SNX29: variants seen among roughly 807,000 people sequenced by gnomAD.
The protein encoded by SNX29 is sorting nexin 29.
In SNX29, 78 loss-of-function variants were observed where a neutral mutation model predicts 102.1. The observed-to-expected ratio is 0.76, with a 90% CI of 0.64 to 0.92. The LOEUF (loss-of-function observed/expected upper bound fraction) is 0.92, where lower values mean the gene tolerates loss of function less well. SNX29 is among the 40% of genes least tolerant of loss of function. SNX29 has a pLI of 0.00. For synonymous variants in SNX29, 580 were observed against 414.5 expected (o/e 1.40, Z -4.85); for missense variants, 1,280 against 1,061.7 (o/e 1.21, Z -2.86).
intron 15 of SNX29, among the ~76,000 whole-genome samples, chr16:12,325,625 T>C (rs887154096): frequency 1.2e-4 from 18 of 152,302 alleles, no homozygotes; most frequent in Admixed American, 3.3e-4. Flanking sequence ...TTGCTGGTTC[T>C]TCTTATTTAT....
chr16:12,136,514 A>G (rs997536575), intron 13 of SNX29, among the ~76,000 whole-genome samples: 1 of 152,170 alleles, frequency 6.6e-6, no homozygotes, highest in Admixed American at 6.5e-5. Flanking sequence ...AAATCCAAGG[A>G]CAGGTCACTT....
intron 5 of SNX29, among the ~76,000 whole-genome samples, chr16:12,043,839 C>T (rs529640698): frequency 2.4e-4 from 36 of 152,206 alleles, no homozygotes; most frequent in African/African-American, 7.9e-4. Context: ...CTGCAACCTC[C>T]GTCTCCTAGT....
At chr16:12,264,112 C>T (rs369195570) in intron 14 of SNX29, among the ~76,000 whole-genome samples, 7 of 152,298 alleles carry the variant, frequency 4.6e-5, no homozygotes, top group Non-Finnish European at 7.4e-5. Flanking sequence ...GACTGTGTGC[C>T]GGCCAGCTGA....
intron 14 of SNX29, among the ~76,000 whole-genome samples, chr16:12,277,535 T>C (rs1596730203): frequency 6.6e-6 from 1 of 152,268 alleles, no homozygotes; most frequent in African/African-American, 2.4e-5. Context: ...CCTGTGCTTC[T>C]GTCTCATGAC....
At chr16:12,149,970 C>T (rs1031855889) in intron 13 of SNX29, among the ~76,000 whole-genome samples, 1 of 152,126 alleles carries the variant, frequency 6.6e-6, no homozygotes, top group Non-Finnish European at 1.5e-5. Context: ...TCAGGTTGCT[C>T]CCTGTGGCTG....
chr16:12,181,411 A>G (rs924281398), intron 13 of SNX29, among the ~76,000 whole-genome samples: 1 of 152,150 alleles, frequency 6.6e-6, no homozygotes, highest in African/African-American at 2.4e-5. Flanking sequence ...TCCAGGTCCT[A>G]GGTAGATTAG....
chr16:12,256,382 T>A (rs1279738381), intron 14 of SNX29, among the ~76,000 whole-genome samples: 1 of 152,170 alleles, frequency 6.6e-6, no homozygotes, highest in African/African-American at 2.4e-5. Context: ...AGTCTCATTC[T>A]GTCATGCAGA....
chr16:12,549,536 G>C (rs1164781065), intron 20 of SNX29, among the ~76,000 whole-genome samples: 1 of 152,162 alleles, frequency 6.6e-6, no homozygotes, highest in South Asian at 2.1e-4. Flanking sequence ...ATCTCAAATA[G>C]CCAGTAAGGC....
chr16:12,481,485 T>TGTAC (rs2087920047), intron 19 of SNX29, among the ~76,000 whole-genome samples: 2 of 148,620 alleles, frequency 1.3e-5, no homozygotes, highest in South Asian at 4.3e-4. Context: ...TACACACATA[T>TGTAC]ATATACACAT....
Position 12,566,694 on chromosome 16 carries a change from A to T in SNX29, c.2319-1812A>T, listed in dbSNP as rs566259843. Among the ~76,000 whole-genome samples, 96 of 12,798 alleles carry T rather than the reference A, an allele frequency of 7.5e-3. 1 individual carries two copies. The highest frequency in any genetic ancestry group is 0.029 in the African/African-American group (91 of 3,100). The allele number at this position is 12,798 out of a possible 152,430, so 8.4% of individuals were successfully genotyped here. ...TTCAGGGATAAAGAGGCTCTTCGTAAGTGGGGTCCCCCATCCTTTGAAGAG... is the reference window on the plus strand; with the variant it reads ...TTCAGGGATAAAGAGGCTCTTCGTATGTGGGGTCCCCCATCCTTTGAAGAG... On this transcript the variant is annotated intron_variant, in intron 20 of 20. Transcript: ENST00000566228.
At chr16:11,985,002 A>AT (rs139330942) in intron 1 of SNX29, among the ~76,000 whole-genome samples, 12,936 of 149,762 alleles carry the variant, frequency 0.086, 651 homozygotes, top group East Asian at 0.24. Context: ...TGCAGTGAAC[A>AT]TTTTTTTTTC....
At chr16:12,274,195 C>T (rs537064409) in intron 14 of SNX29, among the ~76,000 whole-genome samples, 5 of 152,176 alleles carry the variant, frequency 3.3e-5, no homozygotes, top group Non-Finnish European at 7.4e-5. Flanking sequence ...GTATAAGGCT[C>T]AAAATAATTT....
intron 15 of SNX29, among the ~76,000 whole-genome samples, chr16:12,336,959 C>G (rs1032030332): frequency 1.3e-5 from 2 of 152,126 alleles, no homozygotes; most frequent in Non-Finnish European, 2.9e-5. Context: ...AACAAACAAA[C>G]AAACAAAAAA....
chr16:12,503,348 G>T lies in SNX29; in HGVS notation c.2179-21354G>T, dbSNP rs114573888. On this transcript the variant is annotated intron_variant, in intron 19 of 20. Coordinates refer to ENST00000566228, the MANE Select transcript of SNX29 (RefSeq NM_032167.5). The stretch of plus-strand genomic sequence containing the variant: ...AGCAGCTGCTCCAGGTGCAGTCTAG[G>T]TGGGGAAAGTGGTTGAGGGGAGGCT... Among the ~76,000 whole-genome samples the T allele has an allele frequency of 5.0e-3, 760 of 152,344 alleles. 8 individuals are homozygous for T. Among genetic ancestry groups the T allele is most frequent in the African/African-American group, 0.017 (709 of 41,566 alleles).
chr16:12,270,599 C>G (rs181714593), intron 14 of SNX29, among the ~76,000 whole-genome samples: 1 of 152,328 alleles, frequency 6.6e-6, no homozygotes, highest in South Asian at 2.1e-4. Flanking sequence ...TCGATTCCCT[C>G]ACTTTGTAAA....
chr16:12,342,663 A>G (rs911652110), intron 15 of SNX29, among the ~76,000 whole-genome samples: 10 of 152,230 alleles, frequency 6.6e-5, no homozygotes, highest in Admixed American at 2.0e-4. Flanking sequence ...CAACGCTATC[A>G]TGTAAGAGCT....
chr16:12,068,768 C>T lies in SNX29; in HGVS notation c.1244-289C>T, dbSNP rs576712878. Among the ~76,000 whole-genome samples the T allele has an allele frequency of 1.4e-4, 22 of 152,282 alleles. No homozygotes were observed. In the East Asian group the frequency reaches 3.3e-3, roughly 23 times the overall value. On this transcript the variant is annotated intron_variant, in intron 9 of 20. Transcript: ENST00000566228. Reference sequence around the variant, plus strand: ...CCATGTTGGCCAGGCCGGTCTCGAACTCCTGACCTCAGGTGATCCACCTCC... The same window carrying T: ...CCATGTTGGCCAGGCCGGTCTCGAATTCCTGACCTCAGGTGATCCACCTCC...
chr16:12,050,855 G>C (rs1408841835), intron 7 of SNX29, among the ~76,000 whole-genome samples: 1 of 151,930 alleles, frequency 6.6e-6, no homozygotes, highest in Non-Finnish European at 1.5e-5. Flanking sequence ...GGGATTACAG[G>C]CACCTGCCAC....
chr16:12,272,988 A>G (rs2079136715), intron 14 of SNX29, among the ~76,000 whole-genome samples: 1 of 152,236 alleles, frequency 6.6e-6, no homozygotes, highest in Admixed American at 6.5e-5. Flanking sequence ...TTAGATCAGT[A>G]TTCAGTGATT....
Sources: gnomAD v4.1 joint callset for allele counts (sites outside exome capture counted in the v4.1 genomes callset) on GRCh38, gnomAD v4.1.1 for gene constraint, MANE v1.5 for transcripts, NCBI Gene and HGNC (gene_info 2026-07-23, HGNC 2026-07-21) for gene names.